HPS3: variants seen among roughly 807,000 people sequenced by gnomAD.
HPS3 encodes BLOC-2 complex member HPS3.
Under a neutral mutation model 110.9 loss-of-function variants are expected in HPS3, and 79 were observed. The observed-to-expected ratio is 0.71, with a 90% confidence interval of 0.59 to 0.86. The LOEUF is 0.86. Among genes scored for constraint, HPS3 ranks in the 40% least tolerant of loss-of-function variants. The pLI, the probability that HPS3 is intolerant of heterozygous loss-of-function variation, is 0.00. For missense variants in HPS3, 1,197 were observed against 1,206.2 expected (o/e 0.99, Z 0.11); for synonymous variants, 428 against 451.0 (o/e 0.95, Z 0.65).
At chr3:149,167,376 A>G (rs567562065) in intron 15 of HPS3, 136 bp downstream of exon 15, 3 of 711,908 alleles carry the variant, frequency 4.2e-6, no homozygotes, top group East Asian at 5.4e-5. Flanking sequence ...TTGAGCATAT[A>G]TGTTTAATAT....
chr3:149,166,384 G>A (rs1724418905), intron 14 of HPS3, among the ~76,000 whole-genome samples: 1 of 152,140 alleles, frequency 6.6e-6, no homozygotes, highest in Non-Finnish European at 1.5e-5. Flanking sequence ...AAAACAAAGA[G>A]TAGGCTTTGT....
At chr3:149,162,634 G>T (rs776360919) in intron 12 of HPS3, 56 bp from the exon 13 acceptor site, 5 of 1,555,980 alleles carry the variant, frequency 3.2e-6, no homozygotes, top group Non-Finnish European at 3.5e-6. Context: ...CCCAGCTGTC[G>T]CTTTATCAGT....
intron 1 of HPS3, among the ~76,000 whole-genome samples, chr3:149,138,535 G>A (rs145371408): frequency 5.9e-5 from 9 of 152,158 alleles, no homozygotes; most frequent in African/African-American, 1.9e-4. Flanking sequence ...GACATGGATG[G>A]GAACTCAGAA....
At chr3:149,171,387 A>C (rs375927079) in intron 16 of HPS3, among the ~76,000 whole-genome samples, 5 of 152,278 alleles carry the variant, frequency 3.3e-5, no homozygotes, top group Middle Eastern at 3.4e-3. Context: ...ATGTTACGTT[A>C]GGAACTAATA....
In HPS3 at chr3:149,162,865, C is replaced by T. The variant is rs1724020030; in HGVS notation, c.2468C>T (p.Thr823Ile). ...CCTCCTGACACCACACCATTGCGAA[C>T]ATCGGAGGATCTGGTAAGATAATGG... ...RQPPDTTPLRTSEDLINACSH... is the reference protein window; with the variant it reads ...RQPPDTTPLRISEDLINACSH... Residue 823 changes from threonine (T) to isoleucine (I), a missense_variant, in exon 13 of 17, where the codon ACA (threonine) becomes ATA (isoleucine). Transcript: ENST00000296051. 2 of 1,613,394 alleles carry T rather than the reference C, an allele frequency of 1.2e-6. No homozygotes were observed. The highest frequency in any genetic ancestry group is 1.1e-5 in the South Asian group (1 of 91,070).
At chr3:149,130,070 C>G in intron 1 of HPS3, 130 bp downstream of exon 1, 1 of 863,644 alleles carries the variant, frequency 1.2e-6, no homozygotes, top group South Asian at 1.6e-5. Flanking sequence ...GCCGGATGGT[C>G]TCCCTGGGTC....
Position 149,172,164 on chromosome 3 carries a change from C to T in HPS3, c.2957C>T (p.Thr986Ile), listed in dbSNP as rs118124441. 2 of 1,613,182 alleles carry T rather than the reference C, an allele frequency of 1.2e-6. No individual in the cohort carries two copies. Among genetic ancestry groups the T allele is most frequent in the East Asian group, 2.2e-5 (1 of 44,856 alleles). ...ATGAATGTTCTCCCAGAAGATGGTA[C>T]TGCAACATTTTTCTTGCCATATCTT... ...DFMNVLPEDG[T>I]ATFFLPYLLY... The change falls in exon 17 of 17, where the codon ACT becomes ATT. Residue 986 changes from threonine (T) to isoleucine (I), a missense_variant. Physicochemically the swap from Thr to Ile is moderately conservative, Grantham distance 89. Coordinates refer to ENST00000296051, the MANE Select transcript of HPS3 (RefSeq NM_032383.5).
chr3:149,163,892 A>C lies in HPS3; in HGVS notation c.2532A>C (p.Val844=). 1 of 1,586,658 alleles carries C rather than the reference A, an allele frequency of 6.3e-7. No individual in the cohort carries two copies. The highest frequency in any genetic ancestry group is 8.7e-7 in the Non-Finnish European group (1 of 1,155,056). ...YGLIYPWVHV[V]ISSDSLADKN... ...TAATTTATCCATGGGTTCACGTCGT[A>C]ATATCATCTGATTCTTTAGCTGATA... The change falls in exon 14 of 17, where the codon GTA becomes GTC. Residue 844 remains valine (V), a synonymous_variant. Coordinates refer to ENST00000296051, the MANE Select transcript of HPS3 (RefSeq NM_032383.5).
At chr3:149,153,958 G>A in intron 7 of HPS3, 1 of 341,878 alleles carries the variant, frequency 2.9e-6, no homozygotes, top group Non-Finnish European at 5.4e-6. Context: ...AATGCTAATT[G>A]AAACTACAGG....
intron 1 of HPS3, chr3:149,130,226 T>C (rs1721675673): frequency 1.1e-5 from 6 of 535,886 alleles, no homozygotes; most frequent in East Asian, 3.2e-5. Flanking sequence ...TCCACTCATC[T>C]CGGATACTTA....
chr3:149,171,698 C>CTTT (rs1170000443), intron 16 of HPS3, among the ~76,000 whole-genome samples: 3,036 of 118,228 alleles, frequency 0.026, 192 homozygotes, highest in African/African-American at 0.091. Context: ...GAACTGGCTT[C>CTTT]TTTTTTTTTT....
chr3:149,155,082 T>C lies in HPS3; in HGVS notation c.1401-25T>C, dbSNP rs780130005. 5.9e-5 allele frequency: 68 copies of C among 1,155,824 alleles called. 2 individuals are homozygous for C. In the South Asian group the frequency reaches 8.2e-4, roughly 14 times the overall value. The allele number at this position is 1,155,824 out of a possible 1,614,324, so 71.6% of individuals were successfully genotyped here. Reference sequence around the variant, plus strand: ...ATTTATTAATAATGTCATTTTAAAATTCTTGTCCTTTGTTTTGCTTTTAGT... The same window carrying C: ...ATTTATTAATAATGTCATTTTAAAACTCTTGTCCTTTGTTTTGCTTTTAGT... On this transcript the variant is annotated intron_variant, in intron 7 of 16. Transcript: ENST00000296051.
Position 149,140,914 on chromosome 3 carries a change from G to A in HPS3, c.713-103G>A, listed in dbSNP as rs80142888. The A allele has an allele frequency of 1.8e-4, 188 of 1,062,596 alleles. 2 individuals are homozygous for A. The African/African-American group carries it at 2.4e-3, about 14-fold the overall frequency. The allele number at this position is 1,062,596 out of a possible 1,614,324, so 65.8% of individuals were successfully genotyped here. On this transcript the variant is annotated intron_variant, in intron 2 of 16. Coordinates refer to ENST00000296051, the MANE Select transcript of HPS3 (RefSeq NM_032383.5). Reference sequence around the variant, plus strand: ...CAACCACAGTGCCTTGTAAATGTGTGCATATTATAAATAAATGAAATTACT... The same window carrying A: ...CAACCACAGTGCCTTGTAAATGTGTACATATTATAAATAAATGAAATTACT...
chr3:149,136,948 G>T (rs148598426), intron 1 of HPS3, among the ~76,000 whole-genome samples: 1 of 152,124 alleles, frequency 6.6e-6, no homozygotes, highest in East Asian at 1.9e-4. Context: ...AAAAGTATAG[G>T]CAACAGAAGA....
At chr3:149,134,503 T>A (rs1033026126) in intron 1 of HPS3, among the ~76,000 whole-genome samples, 1 of 152,244 alleles carries the variant, frequency 6.6e-6, no homozygotes, top group Non-Finnish European at 1.5e-5. Flanking sequence ...TTATGTAAAC[T>A]TCTAGCTTTC....
Position 149,162,265 on chromosome 3 carries a change from G to A in HPS3, c.2224G>A (p.Val742Met), listed in dbSNP as rs886058079. 2 of 1,614,030 alleles carry A rather than the reference G, an allele frequency of 1.2e-6. No homozygotes were observed. The highest frequency in any genetic ancestry group is 1.1e-5 in the South Asian group (1 of 91,086). The change falls in exon 12 of 17, where the codon GTG becomes ATG. Residue 742 changes from valine to methionine, a missense_variant. Physicochemically the swap from Val to Met is conservative, Grantham distance 21. Coordinates refer to ENST00000296051, the MANE Select transcript of HPS3 (RefSeq NM_032383.5). ...GAAGGAAACTCAGCCTGGATTGCTT[G>A]TGGCTTCAGTTCTGGGCTTGCAGAA... ...HLKETQPGLL[V>M]ASVLGLQKNN...
intron 6 of HPS3, among the ~76,000 whole-genome samples, chr3:149,151,191 A>G (rs914985287): frequency 8.8e-5 from 12 of 136,674 alleles, no homozygotes; most frequent in East Asian, 6.7e-4. Flanking sequence ...TTGTATTATT[A>G]TTATTATTAT....
At chr3:149,134,987 C>A (rs985171292) in intron 1 of HPS3, among the ~76,000 whole-genome samples, 1 of 152,158 alleles carries the variant, frequency 6.6e-6, no homozygotes, top group African/African-American at 2.4e-5. Flanking sequence ...CCCTTTTGGC[C>A]CCTTCCTTCC....
rs182667939 is a variant in HPS3, at chr3:149,137,958, T to C, written c.218-2046T>C. Among the ~76,000 whole-genome samples the C allele has an allele frequency of 4.9e-3, 744 of 152,254 alleles. 1 individual carries two copies. The highest frequency in any genetic ancestry group is 8.3e-3 in the Non-Finnish European group (563 of 68,028). On this transcript the variant is annotated intron_variant, in intron 1 of 16. Transcript: ENST00000296051. ...TCTGTAGACTTAAAAATGGTGAAAA[T>C]GTACATTTTATGTTGTGTGTATCGT...
Sources: allele counts gnomAD v4.1 joint callset (sites outside exome capture counted in the v4.1 genomes callset), GRCh38; gene constraint gnomAD v4.1.1; transcripts MANE v1.5; gene names NCBI Gene and HGNC (gene_info 2026-07-23, HGNC 2026-07-21).